Variants in TRPM7 observed in about 807,000 individuals in gnomAD.
TRPM7 encodes LTRPC ion channel family member 7.
In TRPM7, 134 loss-of-function variants were observed where a neutral mutation model predicts 229.7. That is an observed-to-expected ratio of 0.58 (90% CI 0.51 to 0.67). The LOEUF is 0.67. Ranked by LOEUF, TRPM7 falls within the 30% of genes least tolerant of loss-of-function variation. TRPM7 has a pLI of 0.00. For synonymous variants in TRPM7, 699 were observed against 715.2 expected, an observed-to-expected ratio of 0.98 and a Z score of 0.36; for missense variants, 1,901 against 2,210.0, an observed-to-expected ratio of 0.86 and a Z score of 2.80.
intron 1 of TRPM7, among the ~76,000 whole-genome samples, chr15:50,664,564 A>G (rs967667562): frequency 1.3e-5 from 2 of 152,186 alleles, no homozygotes; most frequent in African/African-American, 4.8e-5. Context: ...GATTAACCAA[A>G]TAAAAGTTTC....
In TRPM7 at chr15:50,658,432, T is replaced by C. The variant is rs545046869; in HGVS notation, c.84-613A>G. Reference sequence around the variant, plus strand: ...TACAAAAAAAAAAATTAGCTAGGGGTAGTGGTGCAGGCCTATAGTCCTAGC... The same window carrying C: ...TACAAAAAAAAAAATTAGCTAGGGGCAGTGGTGCAGGCCTATAGTCCTAGC... On this transcript the variant is annotated intron_variant, in intron 2 of 38. Transcript: ENST00000646667. 4.0e-5 allele frequency among the ~76,000 whole-genome samples: 6 copies of C among 151,156 alleles called. No individual in the cohort carries two copies. The East Asian group carries it at 1.2e-3, about 29-fold the overall frequency.
At chr15:50,607,125 C>CA in intron 20 of TRPM7, 75 bp downstream of exon 20, 1 of 1,391,376 alleles carries the variant, frequency 7.2e-7, no homozygotes. Flanking sequence ...CCTACGTATA[C>CA]ACCCAAAACA....
intron 11 of TRPM7, among the ~76,000 whole-genome samples, chr15:50,625,880 C>T (rs2060543704): frequency 6.6e-6 from 1 of 152,172 alleles, no homozygotes; most frequent in African/African-American, 2.4e-5. Context: ...GTTTTCTCTA[C>T]ATTATTAGGC....
Position 50,662,978 on chromosome 15 carries a change from C to G in TRPM7, c.72G>C (p.Lys24Asn). The change falls in exon 2 of 39, where the codon AAG (lysine) becomes AAC (asparagine). Residue 24 changes from lysine (K) to asparagine (N), a missense_variant. By Grantham distance (94) the Lys-to-Asn change is moderately conservative. Around this residue, in one of 8 missense-constraint regions of TRPM7, gnomAD observed 794 missense variants for 881.9 expected, o/e 0.90. Coordinates refer to ENST00000646667, the MANE Select transcript of TRPM7 (RefSeq NM_017672.6). ...RECVYIIPSS[K>N]DPHRCLPGCQ... The stretch of plus-strand genomic sequence containing the variant: ...AAAGGTGTGCTTACCTGTGAGGGTC[C>G]TTGGAACTTGGTATAATATATACAC... 6.2e-7 allele frequency: 1 copy of G among 1,613,016 alleles called. No homozygotes were observed. Among genetic ancestry groups the G allele is most frequent in the Non-Finnish European group, 8.5e-7 (1 of 1,179,456 alleles).
chr15:50,631,721 TAA>T (rs1404498950), intron 9 of TRPM7, among the ~76,000 whole-genome samples: 4 of 152,118 alleles, frequency 2.6e-5, no homozygotes, highest in Admixed American at 2.6e-4. Flanking sequence ...ATTTACTAAA[TAA>T]AATGGCAAAT....
chr15:50,632,592 C>G (rs2060770602), intron 9 of TRPM7, among the ~76,000 whole-genome samples: 1 of 152,086 alleles, frequency 6.6e-6, no homozygotes, highest in African/African-American at 2.4e-5. Flanking sequence ...TTCCTTGGTA[C>G]TGAACATTAT....
Position 50,614,109 on chromosome 15 carries a change from C to T in TRPM7, c.1635+14G>A, listed in dbSNP as rs1015537620. The T allele has an allele frequency of 3.2e-6, 5 of 1,584,030 alleles. No homozygotes were observed. Among genetic ancestry groups the T allele is most frequent in the African/African-American group, 1.4e-5 (1 of 72,940 alleles). On this transcript the variant is annotated intron_variant, in intron 14 of 38. Transcript: ENST00000646667. ...TAAAGCATATATATAGATTTCCCCA[C>T]AAATTTTACATACCCGATTATTTCC...
rs1566973404 is a variant in TRPM7, at chr15:50,594,207, CAG to C, written c.3475+220_3475+221del. Among the ~76,000 whole-genome samples the C allele has an allele frequency of 2.0e-5, 3 of 152,252 alleles. No individual in the cohort carries two copies. In the East Asian group the frequency reaches 5.8e-4, roughly 29 times the overall value. ...AGTTCGGTTTACATTACCATTTTAA[CAG>C]AAACAGAGACGCCATTCTCATAACG... On this transcript the variant is annotated intron_variant, in intron 24 of 38. Coordinates refer to ENST00000646667, the MANE Select transcript of TRPM7 (RefSeq NM_017672.6).
chr15:50,637,314 T>C, intron 7 of TRPM7, 108 bp downstream of exon 7: 1 of 1,002,444 alleles, frequency 1.0e-6, no homozygotes, highest in East Asian at 2.5e-5. Flanking sequence ...ATATGTTATC[T>C]TGCTATGTAA....
At chr15:50,582,690 T>C (rs1232962517) in intron 29 of TRPM7, among the ~76,000 whole-genome samples, 2 of 152,234 alleles carry the variant, frequency 1.3e-5, no homozygotes, top group Non-Finnish European at 2.9e-5. Flanking sequence ...AATATTTTCT[T>C]GAGCAAAATT....
At chr15:50,680,943 T>C (rs1219137677) in intron 1 of TRPM7, among the ~76,000 whole-genome samples, 2 of 152,114 alleles carry the variant, frequency 1.3e-5, no homozygotes. Flanking sequence ...CATCACAGAA[T>C]TTTCCTGCGG....
chr15:50,648,042 T>C (rs1427773809), intron 4 of TRPM7, among the ~76,000 whole-genome samples: 5 of 152,094 alleles, frequency 3.3e-5, no homozygotes, highest in Non-Finnish European at 1.5e-5. Context: ...CTCAAAAGTG[T>C]TGGGATGATA....
At chr15:50,603,688 G>A (rs765842994) in intron 21 of TRPM7, among the ~76,000 whole-genome samples, 123 of 152,040 alleles carry the variant, frequency 8.1e-4, no homozygotes, top group Admixed American at 1.8e-3. Flanking sequence ...TATACGTGCC[G>A]CATTTTCTTA....
chr15:50,577,183 T>C (rs563056713), intron 31 of TRPM7, among the ~76,000 whole-genome samples: 2 of 151,842 alleles, frequency 1.3e-5, no homozygotes, highest in South Asian at 2.1e-4. Flanking sequence ...AAGCCTAATA[T>C]GTCATGTTAA....
chr15:50,573,682 T>C (rs2053999255), intron 36 of TRPM7, among the ~76,000 whole-genome samples: 1 of 152,228 alleles, frequency 6.6e-6, no homozygotes, highest in African/African-American at 2.4e-5. Flanking sequence ...TCTTTATACT[T>C]TTGAAATACT....
intron 13 of TRPM7, among the ~76,000 whole-genome samples, chr15:50,617,247 A>C (rs1195045902): frequency 6.6e-6 from 1 of 151,138 alleles, no homozygotes; most frequent in Admixed American, 6.6e-5. Context: ...TGATAGGAGA[A>C]TTGCTTGAAC....
At chr15:50,570,883 C>T (rs975688825) in intron 36 of TRPM7, among the ~76,000 whole-genome samples, 1 of 151,166 alleles carries the variant, frequency 6.6e-6, no homozygotes, top group Non-Finnish European at 1.5e-5. Context: ...AAACAAAAAA[C>T]AAGTGTTTGG....
intron 27 of TRPM7, chr15:50,588,193 C>T: frequency 1.0e-6 from 1 of 983,110 alleles, no homozygotes; most frequent in Non-Finnish European, 1.2e-6. Flanking sequence ...GACTTTACCT[C>T]ATATTTAGGC....
intron 1 of TRPM7, among the ~76,000 whole-genome samples, chr15:50,670,811 A>G (rs937456028): frequency 3.0e-5 from 2 of 67,268 alleles, no homozygotes; most frequent in Non-Finnish European, 6.3e-5. Context: ...AAAGAAAAAG[A>G]AAAAAAAAAA....
Sources: gnomAD v4.1 joint callset for allele counts (sites outside exome capture counted in the v4.1 genomes callset) on GRCh38, gnomAD v4.1.1 for gene constraint, gnomAD v4.1.1 regional missense constraint, MANE v1.5 for transcripts, NCBI Gene and HGNC (gene_info 2026-07-23, HGNC 2026-07-21) for gene names.